WDR59: variants seen among roughly 807,000 people sequenced by gnomAD.
The protein encoded by WDR59 is GATOR2 complex protein WDR59.
WDR59 carries 100 observed loss-of-function variants against 131.2 expected under a neutral mutation model. That is an observed-to-expected ratio of 0.76 (90% CI 0.65 to 0.90). WDR59 has a LOEUF of 0.90. Among genes scored for constraint, WDR59 ranks in the 40% least tolerant of loss-of-function variants. WDR59 has a pLI of 0.00. For missense variants in WDR59, 1,203 were observed against 1,262.2 expected (o/e 0.95, Z 0.71); for synonymous variants, 601 against 466.2 (o/e 1.29, Z -3.72).
chr16:74,908,789 G>A (rs916679194), intron 17 of WDR59, 119 bp downstream of exon 17: 2 of 675,170 alleles, frequency 3.0e-6, no homozygotes, highest in African/African-American at 1.8e-5. Context: ...ATCTTATAAT[G>A]GGAGTTTACT....
intron 4 of WDR59, 172 bp from the exon 5 acceptor site, chr16:74,949,970 G>A (rs1214405191): frequency 1.5e-6 from 1 of 683,136 alleles, no homozygotes; most frequent in African/African-American, 1.8e-5. Flanking sequence ...CATGAGTTTG[G>A]AAGGAAACTG....
At chr16:74,902,399 C>T (rs1259601180) in intron 18 of WDR59, among the ~76,000 whole-genome samples, 3 of 151,646 alleles carry the variant, frequency 2.0e-5, no homozygotes, top group Non-Finnish European at 2.9e-5. Flanking sequence ...GAATTATCCA[C>T]GTGCTCTTGG....
intron 24 of WDR59, 145 bp from the exon 25 acceptor site, chr16:74,885,940 G>A (rs943612503): frequency 1.2e-5 from 12 of 995,194 alleles, no homozygotes; most frequent in Admixed American, 5.8e-5. Context: ...ACTTTGGGAG[G>A]CTGAGGCGGG....
chr16:74,909,582 G>A lies in WDR59; in HGVS notation c.1561C>T (p.Arg521Trp), dbSNP rs773498234. 3.1e-6 allele frequency: 5 copies of A among 1,610,794 alleles called. No individual in the cohort carries two copies. The highest frequency in any genetic ancestry group is 2.2e-5 in the East Asian group (1 of 44,802). ...TACGACCCGTAAGCCGTGGTCACCC[G>A]CGCAAACGTCGGTAAGGGGGGAGTG... ...SVTPPLPTFA[R>W]VTTAYGSYQD... Residue 521 changes from arginine to tryptophan, a missense_variant, in exon 16 of 26, where the codon CGG (arginine) becomes TGG (tryptophan). Coordinates refer to ENST00000262144, the MANE Select transcript of WDR59 (RefSeq NM_030581.4).
chr16:74,912,011 G>T, intron 14 of WDR59, 187 bp downstream of exon 14: 1 of 709,300 alleles, frequency 1.4e-6, no homozygotes, highest in South Asian at 2.4e-5. Flanking sequence ...AAAAGGTTAA[G>T]AACCACTGCT....
At chr16:74,965,368 G>A (rs1567437912) in intron 2 of WDR59, among the ~76,000 whole-genome samples, 1 of 152,160 alleles carries the variant, frequency 6.6e-6, no homozygotes, top group Non-Finnish European at 1.5e-5. Context: ...GTCCAGTTAA[G>A]CCAAACTGAA....
rs565930432 is a variant in WDR59 at position 74,902,326 on chromosome 16, A to G, written c.1866+1621T>C. On this transcript the variant is annotated intron_variant, in intron 18 of 25. Coordinates refer to ENST00000262144, the MANE Select transcript of WDR59 (RefSeq NM_030581.4). The stretch of plus-strand genomic sequence containing the variant: ...GAACAGAACACTGGGAACCACCCCA[A>G]ATTGAAATTTCACAACTCTTCTCCA... Among the ~76,000 whole-genome samples, 3 of 152,278 alleles carry G rather than the reference A, an allele frequency of 2.0e-5. No individual in the cohort carries two copies. In the South Asian group the frequency reaches 6.2e-4, roughly 32 times the overall value.
At chr16:74,887,057 C>T (rs1412422855) in intron 23 of WDR59, among the ~76,000 whole-genome samples, 1 of 152,154 alleles carries the variant, frequency 6.6e-6, no homozygotes, top group Non-Finnish European at 1.5e-5. Flanking sequence ...CACAAAGTCA[C>T]ATATATCAAA....
rs1964064617 is a variant in WDR59 at position 74,873,665 on chromosome 16, C to T, written c.*544G>A. On this transcript the variant is annotated 3_prime_UTR_variant, in exon 26 of 26. Transcript: ENST00000262144. ...GAGGAGAAATAACAAAAAAATACAT[C>T]TTAAGAATCCTTAAGTACAGTGCAT... 2 of 151,012 alleles carry T rather than the reference C, an allele frequency of 1.3e-5. No homozygotes were observed. Among genetic ancestry groups the T allele is most frequent in the South Asian group, 4.2e-4 (2 of 4,790 alleles). 9.4% of individuals were successfully genotyped at this position (151,012 alleles called of 1,614,324 possible).
At chr16:74,918,102 A>G (rs542568685) in intron 10 of WDR59, 94 bp from the exon 11 acceptor site, 3 of 1,200,876 alleles carry the variant, frequency 2.5e-6, no homozygotes, top group African/African-American at 3.0e-5. Flanking sequence ...CCATCCATTC[A>G]ACAAACATCT....
intron 24 of WDR59, 93 bp downstream of exon 24, chr16:74,886,177 C>CAA (rs777732079): frequency 8.8e-4 from 892 of 1,013,648 alleles, no homozygotes; most frequent in Middle Eastern, 1.7e-3. Flanking sequence ...ATTCTGTGTC[C>CAA]AAAAAAAAAA....
intron 5 of WDR59, among the ~76,000 whole-genome samples, chr16:74,948,980 A>G (rs145145723): frequency 0.012 from 1,754 of 152,190 alleles, 29 homozygotes; most frequent in African/African-American, 0.04. Flanking sequence ...CCAGGACGAC[A>G]AGAGCAAAAC....
intron 1 of WDR59, among the ~76,000 whole-genome samples, chr16:74,984,248 G>C (rs1010479777): frequency 6.6e-6 from 1 of 152,174 alleles, no homozygotes; most frequent in Non-Finnish European, 1.5e-5. Flanking sequence ...CTGCACTCCA[G>C]CCTGGGCAAC....
At position 74,874,065 on chromosome 16, in the gene WDR59, C is replaced by G. The variant is rs1347801705; in HGVS notation, c.*144G>C. 7 of 670,768 alleles carry G rather than the reference C, an allele frequency of 1.0e-5. No individual in the cohort carries two copies. Among genetic ancestry groups the G allele is most frequent in the South Asian group, 1.9e-5 (1 of 51,968 alleles). 41.6% of individuals were successfully genotyped at this position (670,768 alleles called of 1,614,324 possible). On this transcript the variant is annotated 3_prime_UTR_variant, in exon 26 of 26. Transcript: ENST00000262144. Reference sequence around the variant, plus strand: ...AGAGAAGGCAGAGGCCCACCAAGAGCTGATGCTGCGCAGTCCTTGGGGGAT... The same window carrying G: ...AGAGAAGGCAGAGGCCCACCAAGAGGTGATGCTGCGCAGTCCTTGGGGGAT...
chr16:74,972,224 G>A (rs1039932170), intron 1 of WDR59, among the ~76,000 whole-genome samples: 1 of 152,170 alleles, frequency 6.6e-6, no homozygotes, highest in Non-Finnish European at 1.5e-5. Flanking sequence ...AATTGATGGT[G>A]ATATTTGATT....
intron 8 of WDR59, among the ~76,000 whole-genome samples, chr16:74,934,221 C>G (rs8059863): frequency 0.016 from 2,446 of 152,190 alleles, 53 homozygotes; most frequent in African/African-American, 0.056. Flanking sequence ...GAATACATTT[C>G]AGCAACTGTT....
chr16:74,941,340 CAAA>C (rs71378720), intron 7 of WDR59, among the ~76,000 whole-genome samples: 4 of 109,868 alleles, frequency 3.6e-5, no homozygotes. Context: ...GGCTCCATCT[CAAA>C]AAAAAAAAAA....
chr16:74,935,059 T>C (rs979151520), intron 8 of WDR59, among the ~76,000 whole-genome samples: 3 of 151,978 alleles, frequency 2.0e-5, no homozygotes, highest in Non-Finnish European at 4.4e-5. Context: ...TGAAATTCCA[T>C]CTCTACTAAA....
intron 25 of WDR59, among the ~76,000 whole-genome samples, chr16:74,883,227 G>A (rs1964597200): frequency 6.6e-6 from 1 of 151,886 alleles, no homozygotes; most frequent in South Asian, 2.1e-4. Context: ...GTTTCACCAT[G>A]TCGGCCAGGA....
Sources: allele counts gnomAD v4.1 joint callset (sites outside exome capture counted in the v4.1 genomes callset), GRCh38; gene constraint gnomAD v4.1.1; transcripts MANE v1.5; gene names NCBI Gene and HGNC (gene_info 2026-07-23, HGNC 2026-07-21).